KIRREL3: variants seen among roughly 807,000 people sequenced by gnomAD.
KIRREL3 encodes the protein kin of IRRE-like protein 3.
In KIRREL3, 36 loss-of-function variants were observed where a neutral mutation model predicts 89.7. The ratio of observed to expected loss-of-function variants is 0.40; its 90% CI spans 0.31 to 0.53. The LOEUF is 0.53. KIRREL3 is among the 20% of genes least tolerant of loss of function. The pLI is 0.49. For missense variants in KIRREL3, 864 were observed against 1,056.6 expected (o/e 0.82, Z 2.53); for synonymous variants, 445 against 441.4 (o/e 1.01, Z -0.10).
In KIRREL3 at chr11:126,682,296, T is replaced by C. The variant is rs1946493254; in HGVS notation, c.56-119384A>G. ...ATGCATAGTCGCCCTCTCTTCCTTC[T>C]AGGTTAGAGTGGGTGACACTGAGCA... On this transcript the variant is annotated intron_variant, in intron 1 of 16. Coordinates refer to ENST00000525144, the MANE Select transcript of KIRREL3 (RefSeq NM_032531.4). This position sits in a 1 kb window ranked among gnomAD's most constrained non-coding sequence, Gnocchi z 4.8. Among the ~76,000 whole-genome samples the C allele has an allele frequency of 1.3e-5, 2 of 152,172 alleles. No homozygotes were observed. The highest frequency in any genetic ancestry group is 6.5e-5 in the Admixed American group (1 of 15,284).
intron 2 of KIRREL3, among the ~76,000 whole-genome samples, chr11:126,540,331 G>T (rs1004372730): frequency 4.6e-5 from 7 of 152,300 alleles, no homozygotes; most frequent in African/African-American, 1.7e-4. Context: ...TCTTCCCAGG[G>T]CTGGATGAGG....
rs1174194514 is a variant in KIRREL3, at chr11:126,892,787, T to C, written c.55+107668A>G. ...CAGATAGGAGAAGGGTCTGGCTTCA[T>C]TGACATTTCCACGGTAGTGCATACA... On this transcript the variant is annotated intron_variant, in intron 1 of 16. Transcript: ENST00000525144. The surrounding 1 kb of genome is among the most constrained non-coding windows in gnomAD (Gnocchi z 5.4). 1.3e-5 allele frequency among the ~76,000 whole-genome samples: 2 copies of C among 152,192 alleles called. No individual in the cohort carries two copies. The highest frequency in any genetic ancestry group is 2.9e-5 in the Non-Finnish European group (2 of 68,042).
intron 1 of KIRREL3, among the ~76,000 whole-genome samples, chr11:126,621,237 G>A (rs572547225): frequency 6.6e-6 from 1 of 152,288 alleles, no homozygotes; most frequent in Admixed American, 6.5e-5. Flanking sequence ...TGGGGGATGG[G>A]GAGAACCCCT....
chr11:126,892,549 C>A lies in KIRREL3; in HGVS notation c.55+107906G>T, dbSNP rs79566247. On this transcript the variant is annotated intron_variant, in intron 1 of 16. Transcript: ENST00000525144. This position sits in a 1 kb window ranked among gnomAD's most constrained non-coding sequence, Gnocchi z 5.4. The stretch of plus-strand genomic sequence containing the variant: ...TGATTTTCTTTTCACAGCCTTATTA[C>A]AAATGCTGAGCACAGCTAGAAGTAA... Among the ~76,000 whole-genome samples the A allele has an allele frequency of 1.9e-3, 296 of 152,276 alleles. No homozygotes were observed. The highest frequency in any genetic ancestry group is 6.6e-3 in the African/African-American group (274 of 41,546).
Position 126,477,606 on chromosome 11 carries a change from A to C in KIRREL3, c.434-4140T>G, listed in dbSNP as rs534934956. Among the ~76,000 whole-genome samples the C allele has an allele frequency of 2.0e-4, 30 of 151,706 alleles. No individual in the cohort carries two copies. Among genetic ancestry groups the C allele is most frequent in the Admixed American group, 4.6e-4 (7 of 15,254 alleles). ...CACTAAGGTTCTCTCTAACCTCTAT[A>C]CTCCCCTTTTTTTAGAGACAGTTTG... On this transcript the variant is annotated intron_variant, in intron 4 of 16. Transcript: ENST00000525144. This position sits in a 1 kb window ranked among gnomAD's most constrained non-coding sequence, Gnocchi z 4.8.
chr11:126,703,228 C>T lies in KIRREL3; in HGVS notation c.56-140316G>A, dbSNP rs969234138. 2.0e-5 allele frequency among the ~76,000 whole-genome samples: 3 copies of T among 152,246 alleles called. No individual in the cohort carries two copies. Among genetic ancestry groups the T allele is most frequent in the African/African-American group, 7.2e-5 (3 of 41,470 alleles). On this transcript the variant is annotated intron_variant, in intron 1 of 16. Coordinates refer to ENST00000525144, the MANE Select transcript of KIRREL3 (RefSeq NM_032531.4). This position sits in a 1 kb window ranked among gnomAD's most constrained non-coding sequence, Gnocchi z 4.6. Reference sequence around the variant, plus strand: ...CATCTGACCTACTTCACAGGCTGGGCTGCCATGAGCGGCTGCTGCAGGCTG... The same window carrying T: ...CATCTGACCTACTTCACAGGCTGGGTTGCCATGAGCGGCTGCTGCAGGCTG...
At chr11:126,701,818 T>G (rs1947323556) in intron 1 of KIRREL3, among the ~76,000 whole-genome samples, 1 of 152,086 alleles carries the variant, frequency 6.6e-6, no homozygotes, top group African/African-American at 2.4e-5. Flanking sequence ...GTACCTCAGG[T>G]TTTCCATCTG....
rs867239156 is a variant in KIRREL3 at position 126,868,350 on chromosome 11, G to C, written c.55+132105C>G. Among the ~76,000 whole-genome samples, 73 of 152,296 alleles carry C rather than the reference G, an allele frequency of 4.8e-4. No individual in the cohort carries two copies. The Middle Eastern group carries it at 0.01, about 21-fold the overall frequency. On this transcript the variant is annotated intron_variant, in intron 1 of 16. Transcript: ENST00000525144. ...AGGGCGTTAGAGGACCCCGTAGATC[G>C]ATGTGGGTCGTCAGCAAGGCTGGAG...
Position 126,527,520 on chromosome 11 carries a change from A to T in KIRREL3, c.134-833T>A, listed in dbSNP as rs938086248. On this transcript the variant is annotated intron_variant, in intron 2 of 16. Coordinates refer to ENST00000525144, the MANE Select transcript of KIRREL3 (RefSeq NM_032531.4). The surrounding 1 kb of genome is among the most constrained non-coding windows in gnomAD (Gnocchi z 4.2). ...TTTTCATCGTCATAACAACCTAAAA[A>T]TAGTAGGCACTATTTTTATCCCCAT... Among the ~76,000 whole-genome samples, 3 of 152,156 alleles carry T rather than the reference A, an allele frequency of 2.0e-5. No homozygotes were observed. The highest frequency in any genetic ancestry group is 7.2e-5 in the African/African-American group (3 of 41,446).
At position 126,664,571 on chromosome 11, in the gene KIRREL3, C is replaced by A. The variant is rs1388519338; in HGVS notation, c.56-101659G>T. Among the ~76,000 whole-genome samples the A allele has an allele frequency of 6.6e-6, 1 of 152,218 alleles. No individual in the cohort carries two copies. The highest frequency in any genetic ancestry group is 1.5e-5 in the Non-Finnish European group (1 of 68,034). ...AAAGGGATGAAGAAGTTCGGCCTCA[C>A]CTCTTGAGGATCATTTCTACAGCAG... On this transcript the variant is annotated intron_variant, in intron 1 of 16. Coordinates refer to ENST00000525144, the MANE Select transcript of KIRREL3 (RefSeq NM_032531.4). The surrounding 1 kb of genome is among the most constrained non-coding windows in gnomAD (Gnocchi z 5.4).
At chr11:126,534,899 A>AG (rs1937721220) in intron 2 of KIRREL3, among the ~76,000 whole-genome samples, 1 of 151,870 alleles carries the variant, frequency 6.6e-6, no homozygotes, top group Non-Finnish European at 1.5e-5. Flanking sequence ...AATAAAGGGG[A>AG]GGGGGGCTTG....
rs1431686955 is a variant in KIRREL3 at position 126,685,919 on chromosome 11, A to G, written c.56-123007T>C. Among the ~76,000 whole-genome samples the G allele has an allele frequency of 6.6e-6, 1 of 152,196 alleles. No homozygotes were observed. Among genetic ancestry groups the G allele is most frequent in the African/African-American group, 2.4e-5 (1 of 41,450 alleles). ...TCACGTGGCATCCTGTGCCTGCTCA[A>G]TGCTGAATCTGCTTCCCATGTGCAC... is the stretch of plus-strand genomic sequence containing the variant. On this transcript the variant is annotated intron_variant, in intron 1 of 16. Transcript: ENST00000525144. The surrounding 1 kb of genome is among the most constrained non-coding windows in gnomAD (Gnocchi z 5.5).
At chr11:126,460,437 G>A (rs1956504873) in intron 6 of KIRREL3, among the ~76,000 whole-genome samples, 1 of 152,164 alleles carries the variant, frequency 6.6e-6, no homozygotes, top group Admixed American at 6.5e-5. Context: ...CGGGGCACAA[G>A]GAGGTTAACT....
chr11:127,000,463 A>T lies in KIRREL3; in HGVS notation c.47T>A (p.Phe16Tyr). ...LDLLFVCFFL[F>Y]SQELGLQKRG... ...CAGCGCAGGGGTCCTACCTTGACTG[A>T]AGAGGAAGAAGCAGACGAAGAGCAG... is the stretch of plus-strand genomic sequence containing the variant. The change falls in exon 1 of 17, where the codon TTC becomes TAC. Residue 16 changes from phenylalanine (F) to tyrosine (Y), a missense_variant. Coordinates refer to ENST00000525144, the MANE Select transcript of KIRREL3 (RefSeq NM_032531.4). The surrounding 1 kb of genome is among the most constrained non-coding windows in gnomAD (Gnocchi z 7.1). 6.2e-7 allele frequency: 1 copy of T among 1,606,734 alleles called. No homozygotes were observed. Among genetic ancestry groups the T allele is most frequent in the South Asian group, 1.1e-5 (1 of 89,164 alleles).
rs1945112526 is a variant in KIRREL3 at position 126,655,877 on chromosome 11, A to G, written c.56-92965T>C. Among the ~76,000 whole-genome samples, 1 of 152,124 alleles carries G rather than the reference A, an allele frequency of 6.6e-6. No homozygotes were observed. Among genetic ancestry groups the G allele is most frequent in the Non-Finnish European group, 1.5e-5 (1 of 68,024 alleles). On this transcript the variant is annotated intron_variant, in intron 1 of 16. Coordinates refer to ENST00000525144, the MANE Select transcript of KIRREL3 (RefSeq NM_032531.4). This position sits in a 1 kb window ranked among gnomAD's most constrained non-coding sequence, Gnocchi z 5.0. ...AGTTCTTGTCTGGCTTTCCAGGACA[A>G]CGTGACTTTCTCTTATTTTTTGTTC... is the stretch of plus-strand genomic sequence containing the variant.
At chr11:126,493,513 G>A (rs1957576579) in intron 4 of KIRREL3, among the ~76,000 whole-genome samples, 1 of 152,058 alleles carries the variant, frequency 6.6e-6, no homozygotes, top group Admixed American at 6.6e-5. Context: ...AAACTAGCCG[G>A]GTGTGGTGGT....
chr11:126,434,905 G>A (rs1955259806), intron 13 of KIRREL3, among the ~76,000 whole-genome samples: 1 of 152,168 alleles, frequency 6.6e-6, no homozygotes, highest in Non-Finnish European at 1.5e-5. Flanking sequence ...GGGTCGGAGA[G>A]AGCCTGGAAG....
rs907506817 is a variant in KIRREL3 at position 126,696,515 on chromosome 11, C to T, written c.56-133603G>A. Reference sequence around the variant, plus strand: ...GCAGGCATGTGGCCTCTTGCCTCGACATCTGGCCCCACCGTCCAACCCACC... The same window carrying T: ...GCAGGCATGTGGCCTCTTGCCTCGATATCTGGCCCCACCGTCCAACCCACC... On this transcript the variant is annotated intron_variant, in intron 1 of 16. Coordinates refer to ENST00000525144, the MANE Select transcript of KIRREL3 (RefSeq NM_032531.4). This position sits in a 1 kb window ranked among gnomAD's most constrained non-coding sequence, Gnocchi z 4.4. 2.0e-5 allele frequency among the ~76,000 whole-genome samples: 3 copies of T among 152,202 alleles called. No homozygotes were observed. Among genetic ancestry groups the T allele is most frequent in the Non-Finnish European group, 4.4e-5 (3 of 68,044 alleles).
intron 1 of KIRREL3, among the ~76,000 whole-genome samples, chr11:126,662,618 GA>G (rs1360238799): frequency 1.3e-5 from 2 of 152,180 alleles, no homozygotes; most frequent in Non-Finnish European, 2.9e-5. Flanking sequence ...CATTAATGAG[GA>G]AGGAAGTCTC....
Sources: allele counts gnomAD v4.1 joint callset (sites outside exome capture counted in the v4.1 genomes callset), GRCh38; gene constraint gnomAD v4.1.1; non-coding constraint Gnocchi (gnomAD v3.1); transcripts MANE v1.5; gene names NCBI Gene and HGNC (gene_info 2026-07-23, HGNC 2026-07-21).